ENOX1: variants seen among roughly 807,000 people sequenced by gnomAD.
The protein encoded by ENOX1 is ecto-NOX disulfide-thiol exchanger 1.
ENOX1 carries 42 observed loss-of-function variants against 82.5 expected under a neutral mutation model. The observed-to-expected ratio is 0.51, with a 90% CI of 0.40 to 0.66. The LOEUF (loss-of-function observed/expected upper bound fraction) is 0.66. Ranked by LOEUF, ENOX1 falls within the 30% of genes least tolerant of loss-of-function variation. The pLI is 0.00. For synonymous variants in ENOX1, 271 were observed against 282.2 expected, an observed-to-expected ratio of 0.96 and a Z score of 0.40; for missense variants, 608 against 811.6, an observed-to-expected ratio of 0.75 and a Z score of 3.05.
intron 2 of ENOX1, among the ~76,000 whole-genome samples, chr13:43,486,428 C>T (rs911082693): frequency 6.6e-6 from 1 of 151,950 alleles, no homozygotes; most frequent in African/African-American, 2.4e-5. Flanking sequence ...AACCAACAAC[C>T]AAATTTTCAG....
chr13:43,655,682 TCTC>T (rs1040542732), intron 2 of ENOX1, among the ~76,000 whole-genome samples: 15 of 152,256 alleles, frequency 9.9e-5, no homozygotes, highest in African/African-American at 3.6e-4. Context: ...CTCCTTTGAT[TCTC>T]CTCTTCCTGG....
intron 3 of ENOX1, among the ~76,000 whole-genome samples, chr13:43,426,863 T>G (rs2055338389): frequency 6.6e-6 from 1 of 152,174 alleles, no homozygotes; most frequent in Non-Finnish European, 1.5e-5. Context: ...GATGTGACAG[T>G]GAGACACATA....
At chr13:43,645,066 G>A (rs1332118176) in intron 2 of ENOX1, among the ~76,000 whole-genome samples, 1 of 152,118 alleles carries the variant, frequency 6.6e-6, no homozygotes, top group Non-Finnish European at 1.5e-5. Flanking sequence ...AAAGAAACAT[G>A]TATCAAATAA....
At chr13:43,643,460 AGTTT>A (rs1346669344) in intron 2 of ENOX1, among the ~76,000 whole-genome samples, 1 of 152,172 alleles carries the variant, frequency 6.6e-6, no homozygotes, top group Non-Finnish European at 1.5e-5. Context: ...CCAATTGTTT[AGTTT>A]GATTTCTTCC....
chr13:43,239,183 A>T (rs1163523565), intron 14 of ENOX1, among the ~76,000 whole-genome samples: 1 of 152,182 alleles, frequency 6.6e-6, no homozygotes, highest in African/African-American at 2.4e-5. Context: ...GAGATTGGAT[A>T]CTGGAGTGTG....
At chr13:43,490,161 C>T (rs2076571343) in intron 2 of ENOX1, among the ~76,000 whole-genome samples, 1 of 152,114 alleles carries the variant, frequency 6.6e-6, no homozygotes, top group South Asian at 2.1e-4. Flanking sequence ...AGGCTGGTCT[C>T]GAACTCCTGG....
chr13:43,290,707 T>C (rs1438035090), intron 12 of ENOX1, among the ~76,000 whole-genome samples: 1 of 152,140 alleles, frequency 6.6e-6, no homozygotes, highest in Non-Finnish European at 1.5e-5. Flanking sequence ...ATGTAACAAA[T>C]CTGCACATGT....
chr13:43,231,642 C>G (rs895688751), intron 15 of ENOX1, among the ~76,000 whole-genome samples: 20 of 152,190 alleles, frequency 1.3e-4, no homozygotes, highest in Non-Finnish European at 1.5e-5. Flanking sequence ...CAGTGAAAAC[C>G]TCTTCATCCT....
intron 1 of ENOX1, among the ~76,000 whole-genome samples, chr13:43,721,376 CTTTTTTTT>C (rs761888585): frequency 1.9e-5 from 2 of 107,620 alleles, no homozygotes; most frequent in African/African-American, 7.5e-5. Flanking sequence ...TATTTTATAT[CTTTTTTTT>C]TTTTTTTTTT....
chr13:43,402,309 C>T (rs1038353172), intron 5 of ENOX1, among the ~76,000 whole-genome samples: 1 of 152,188 alleles, frequency 6.6e-6, no homozygotes, highest in African/African-American at 2.4e-5. Context: ...CTCTTCATAT[C>T]TAACTGATTG....
intron 1 of ENOX1, among the ~76,000 whole-genome samples, chr13:43,765,763 T>C (rs1951224312): frequency 6.6e-6 from 1 of 152,152 alleles, no homozygotes; most frequent in Non-Finnish European, 1.5e-5. Context: ...CGGAAAATAA[T>C]CATTACCCAG....
chr13:43,308,240 C>T (rs2046981850), intron 11 of ENOX1, among the ~76,000 whole-genome samples: 1 of 152,180 alleles, frequency 6.6e-6, no homozygotes, highest in Admixed American at 6.5e-5. Flanking sequence ...GGGACTTCTC[C>T]ACCTGGGTCT....
chr13:43,337,300 A>G lies in ENOX1; in HGVS notation c.1036+7238T>C, dbSNP rs372177858. 2.1e-4 allele frequency among the ~76,000 whole-genome samples: 32 copies of G among 152,364 alleles called. No individual in the cohort carries two copies. In the South Asian group the frequency reaches 6.6e-3, roughly 32 times the overall value. ...TCCAGAAGTGGCACAGTGAGGTAGA[A>G]AAGAGAACAGTAAGTGGCTCATGTC... On this transcript the variant is annotated intron_variant, in intron 9 of 16. Coordinates refer to ENST00000690772, the MANE Select transcript of ENOX1 (RefSeq NM_001347969.2).
chr13:43,725,410 C>A (rs1031518378), intron 1 of ENOX1, among the ~76,000 whole-genome samples: 1 of 151,912 alleles, frequency 6.6e-6, no homozygotes, highest in African/African-American at 2.4e-5. Context: ...TCAGAGCTCA[C>A]CAAGTAGTAG....
chr13:43,298,415 T>G lies in ENOX1; in HGVS notation c.1377A>C (p.Arg459=). Residue 459 remains arginine, a synonymous_variant, in exon 12 of 17, where the codon CGA becomes CGC. Transcript: ENST00000690772. ...GGTCCTTGGTGAGGTTTTCTTCTGT[T>G]CGGAAAAGCTGTTCTTTTTCTTGTT... ...LLKQEKEQLF[R]TEENLTKDQQ... The G allele has an allele frequency of 6.2e-7, 1 of 1,614,194 alleles. No individual in the cohort carries two copies. Among genetic ancestry groups the G allele is most frequent in the Non-Finnish European group, 8.5e-7 (1 of 1,180,040 alleles).
chr13:43,699,190 G>A (rs944275287), intron 1 of ENOX1, among the ~76,000 whole-genome samples: 1 of 152,134 alleles, frequency 6.6e-6, no homozygotes, highest in Non-Finnish European at 1.5e-5. Context: ...CCCTCATATC[G>A]CACTGAGGCA....
At chr13:43,345,731 G>A (rs1007179324) in intron 8 of ENOX1, among the ~76,000 whole-genome samples, 1 of 152,200 alleles carries the variant, frequency 6.6e-6, no homozygotes, top group South Asian at 2.1e-4. Context: ...GAGGGGAGAA[G>A]CTTTTCATTG....
intron 3 of ENOX1, among the ~76,000 whole-genome samples, chr13:43,480,239 G>A (rs1018391511): frequency 2.0e-5 from 3 of 152,046 alleles, no homozygotes; most frequent in East Asian, 1.9e-4. Context: ...GCACCTGGCT[G>A]GTTACTAAAC....
intron 1 of ENOX1, among the ~76,000 whole-genome samples, chr13:43,674,192 T>G (rs929440109): frequency 6.6e-6 from 1 of 152,176 alleles, no homozygotes; most frequent in Non-Finnish European, 1.5e-5. Flanking sequence ...GAGTATGTAT[T>G]ATGCAGCAGG....
Sources: allele counts gnomAD v4.1 joint callset (sites outside exome capture counted in the v4.1 genomes callset), GRCh38; gene constraint gnomAD v4.1.1; transcripts MANE v1.5; gene names NCBI Gene and HGNC (gene_info 2026-07-23, HGNC 2026-07-21).